The following ANKRD31 variants were observed in gnomAD, a reference collection of about 807,000 sequenced individuals.
ANKRD31 encodes ankyrin repeat domain-containing protein 31.
Under a neutral mutation model 186.0 loss-of-function variants are expected in ANKRD31, and 147 were observed. The observed-to-expected ratio is 0.79, with a 90% confidence interval of 0.69 to 0.91. ANKRD31 has a LOEUF of 0.91. Among genes scored for constraint, ANKRD31 ranks in the 40% least tolerant of loss-of-function variants. The probability of loss-of-function intolerance (pLI) is 0.00; values close to 1 mark genes in which losing one functional copy is unlikely to be tolerated. For missense variants in ANKRD31, 1,986 were observed against 2,148.8 expected, an observed-to-expected ratio of 0.92 and a Z score of 1.50; for synonymous variants, 673 against 736.4, an observed-to-expected ratio of 0.91 and a Z score of 1.39.
intron 5 of ANKRD31, among the ~76,000 whole-genome samples, chr5:75,203,571 G>A (rs1755949876): frequency 6.6e-6 from 1 of 150,852 alleles, no homozygotes; most frequent in Admixed American, 6.6e-5. Context: ...GCTGAGACAG[G>A]AGAATTGGTT....
At chr5:75,208,462 G>A (rs1405093621) in intron 4 of ANKRD31, among the ~76,000 whole-genome samples, 3 of 151,074 alleles carry the variant, frequency 2.0e-5, no homozygotes, top group Admixed American at 6.6e-5. Context: ...TGAAGCACCT[G>A]AAGGGACTCT....
At chr5:75,161,856 C>T (rs746757632) in intron 11 of ANKRD31, among the ~76,000 whole-genome samples, 12 of 152,216 alleles carry the variant, frequency 7.9e-5, no homozygotes, top group South Asian at 2.1e-4. Flanking sequence ...GCAGCTTCCA[C>T]GTGGTGTTGA....
chr5:75,082,330 T>G lies in ANKRD31; in HGVS notation c.5576-1691A>C, dbSNP rs186568565. On this transcript the variant is annotated intron_variant, in intron 24 of 25. Transcript: ENST00000506364. The stretch of plus-strand genomic sequence containing the variant: ...GAGGCCCTGGGTAGGGACTTGGTGA[T>G]AGAAACCCTGTTTAATTCTTGGCCC... Among the ~76,000 whole-genome samples the G allele has an allele frequency of 7.7e-4, 117 of 152,270 alleles. 3 individuals carry two copies. The highest frequency in any genetic ancestry group is 7.3e-3 in the Admixed American group (112 of 15,288).
chr5:75,189,211 A>G (rs1317812252), intron 9 of ANKRD31, among the ~76,000 whole-genome samples: 1 of 152,198 alleles, frequency 6.6e-6, no homozygotes, highest in African/African-American at 2.4e-5. Flanking sequence ...AATTGTTTTT[A>G]TTTACTAAGC....
At chr5:75,123,437 C>A (rs181513265) in intron 17 of ANKRD31, among the ~76,000 whole-genome samples, 7 of 151,922 alleles carry the variant, frequency 4.6e-5, no homozygotes, top group African/African-American at 1.7e-4. Context: ...GAGAAAAAAA[C>A]CATCCTAAAA....
At position 75,146,269 on chromosome 5, in the gene ANKRD31, G is replaced by T; in HGVS notation, c.3142C>A (p.Gln1048Lys). Residue 1048 changes from glutamine to lysine, a missense_variant, in exon 14 of 26, where the codon CAA (glutamine) becomes AAA (lysine). Gln to Lys is a moderately conservative substitution (Grantham distance 53). Coordinates refer to ENST00000506364, the MANE Select transcript of ANKRD31 (RefSeq NM_001372053.1). ...IPRAPTFLMN[Q>K]TDTHIVEKMA... ...TTTTCCACAATATGTGTATCTGTTT[G>T]ATTCATTAAAAAAGTTGGTGCTCTG... is the stretch of plus-strand genomic sequence containing the variant. 6.5e-7 allele frequency: 1 copy of T among 1,536,340 alleles called. No individual in the cohort carries two copies. The highest frequency in any genetic ancestry group is 1.2e-5 in the South Asian group (1 of 84,022).
In ANKRD31 at chr5:75,153,802, T is replaced by C. The variant is rs1199256127; in HGVS notation, c.1852+399A>G. On this transcript the variant is annotated intron_variant, in intron 12 of 25. Transcript: ENST00000506364. ...TTTGTTGTTCAATTTAATAGAGCAGTGGATGAGAGGGAAAAAGTATAGCCA... is the reference window on the plus strand; with the variant it reads ...TTTGTTGTTCAATTTAATAGAGCAGCGGATGAGAGGGAAAAAGTATAGCCA... Among the ~76,000 whole-genome samples, 3 of 152,052 alleles carry C rather than the reference T, an allele frequency of 2.0e-5. No homozygotes were observed. In the East Asian group the frequency reaches 5.8e-4, roughly 29 times the overall value.
rs759509117 is a variant in ANKRD31 at position 75,107,539 on chromosome 5, T to C, written c.4322A>G (p.Asp1441Gly). Reference protein sequence around the residue: ...VLAKQKAERDDLAKKYRVSIE... With the variant: ...VLAKQKAERDGLAKKYRVSIE... ...TACTCACCTGTATTTTTTAGCCAGA[T>C]CATCCCTTTCTGCTTTCTGCTTGGC... The change falls in exon 21 of 26, where the codon GAT (aspartate) becomes GGT (glycine). Residue 1441 changes from aspartate to glycine, a missense_variant. Transcript: ENST00000506364. The C allele has an allele frequency of 5.9e-6, 9 of 1,530,342 alleles. No individual in the cohort carries two copies. The highest frequency in any genetic ancestry group is 7.9e-6 in the Non-Finnish European group (9 of 1,143,126). The allele number at this position is 1,530,342 out of a possible 1,614,324, so 94.8% of individuals were successfully genotyped here. A position where few individuals can be genotyped will look rare whatever the true frequency, so the allele number is the denominator to read the frequency against.
rs969174722 is a variant in ANKRD31, at chr5:75,144,159, G to A, written c.3437C>T (p.Thr1146Ile). The change falls in exon 15 of 26, where the codon ACT (threonine) becomes ATT (isoleucine). Residue 1146 changes from threonine (T) to isoleucine (I), a missense_variant. Physicochemically the swap from Thr to Ile is moderately conservative, Grantham distance 89. Coordinates refer to ENST00000506364, the MANE Select transcript of ANKRD31 (RefSeq NM_001372053.1). ...TATTTCATCTCCACTGATGTTATTA[G>A]TTAATTCCTCATCTGAAACAAACAT... The part of the protein sequence containing the change: ...EISHKPDEEL[T>I]NNISGDEITI... The A allele has an allele frequency of 5.0e-6, 2 of 396,924 alleles. No homozygotes were observed. Among genetic ancestry groups the A allele is most frequent in the Non-Finnish European group, 8.9e-6 (2 of 225,086 alleles). The allele number at this position is 396,924 out of a possible 1,614,324, so 24.6% of individuals were successfully genotyped here. A position where few individuals can be genotyped will look rare whatever the true frequency, so the allele number is the denominator to read the frequency against.
chr5:75,221,242 G>A (rs1006659064), intron 3 of ANKRD31, among the ~76,000 whole-genome samples: 2 of 151,928 alleles, frequency 1.3e-5, no homozygotes, highest in African/African-American at 2.4e-5. Context: ...TTAGTACCCA[G>A]GTGATAATAA....
chr5:75,106,339 T>C (rs568347023), intron 21 of ANKRD31, among the ~76,000 whole-genome samples: 1 of 152,206 alleles, frequency 6.6e-6, no homozygotes, highest in Admixed American at 6.5e-5. Context: ...GGAAAAGCAA[T>C]AATATAGATA....
At chr5:75,183,954 C>A (rs73131062) in intron 10 of ANKRD31, among the ~76,000 whole-genome samples, 8,273 of 152,036 alleles carry the variant, frequency 0.054, 522 homozygotes, top group African/African-American at 0.15. Flanking sequence ...ACAGCCAAAG[C>A]AACCTTGAGC....
At position 75,104,290 on chromosome 5, in the gene ANKRD31, T is replaced by C. The variant is rs1747145635; in HGVS notation, c.5269A>G (p.Lys1757Glu). The change falls in exon 22 of 26, where the codon AAA (lysine) becomes GAA (glutamate). Residue 1757 changes from lysine (K) to glutamate (E), a missense_variant. By Grantham distance (56) the Lys-to-Glu change is moderately conservative. Transcript: ENST00000506364. ...ATTCTTCCTAGTAATATCAAATCTTTTATCTGAATACATTTCTTTTTAGGA... is the reference window on the plus strand; with the variant it reads ...ATTCTTCCTAGTAATATCAAATCTTCTATCTGAATACATTTCTTTTTAGGA... ...TAPKKKCIQI[K>E]DLILLGRINP... 3.3e-6 allele frequency: 5 copies of C among 1,534,842 alleles called. No homozygotes were observed. Among genetic ancestry groups the C allele is most frequent in the Admixed American group, 3.9e-5 (2 of 50,746 alleles).
Position 75,146,831 on chromosome 5 carries a change from G to A in ANKRD31, c.2580C>T (p.Leu860=). 6.5e-7 allele frequency: 1 copy of A among 1,536,290 alleles called. No homozygotes were observed. Among genetic ancestry groups the A allele is most frequent in the South Asian group, 1.2e-5 (1 of 84,030 alleles). ...VVTTDKQPHT[L]QEQHHVLYKS... ...TATAAAGTACATGGTGTTGTTCCTGGAGAGTGTGAGGCTGCTTATCTGTAG... is the reference window on the plus strand; with the variant it reads ...TATAAAGTACATGGTGTTGTTCCTGAAGAGTGTGAGGCTGCTTATCTGTAG... Residue 860 remains leucine, a synonymous_variant, in exon 14 of 26, where the codon CTC becomes CTT. Coordinates refer to ENST00000506364, the MANE Select transcript of ANKRD31 (RefSeq NM_001372053.1).
chr5:75,179,360 G>A (rs1378518677), intron 10 of ANKRD31, among the ~76,000 whole-genome samples: 1 of 152,174 alleles, frequency 6.6e-6, no homozygotes, highest in Non-Finnish European at 1.5e-5. Context: ...TAGAAAAAGA[G>A]GGAATCCTCC....
chr5:75,162,932 T>C (rs190576255), intron 11 of ANKRD31, among the ~76,000 whole-genome samples: 4 of 152,344 alleles, frequency 2.6e-5, no homozygotes, highest in Admixed American at 1.3e-4. Context: ...TATAGATTTA[T>C]GCTTAACTTT....
intron 10 of ANKRD31, among the ~76,000 whole-genome samples, chr5:75,178,788 A>G (rs891145321): frequency 3.3e-5 from 5 of 152,224 alleles, no homozygotes; most frequent in African/African-American, 1.2e-4. Context: ...AGCAGGAAAC[A>G]TCTAAAATTG....
chr5:75,085,567 A>T (rs965250505), intron 23 of ANKRD31, among the ~76,000 whole-genome samples: 8 of 151,870 alleles, frequency 5.3e-5, no homozygotes, highest in Middle Eastern at 3.4e-3. Context: ...ACGCCTGGCT[A>T]ATTTTTGTAT....
At chr5:75,165,151 C>T (rs754147746) in intron 11 of ANKRD31, among the ~76,000 whole-genome samples, 2 of 151,960 alleles carry the variant, frequency 1.3e-5, no homozygotes, top group Non-Finnish European at 2.9e-5. Flanking sequence ...TGGTATGGAC[C>T]ATGTGATCAT....
Sources: allele counts gnomAD v4.1 joint callset (sites outside exome capture counted in the v4.1 genomes callset), GRCh38; gene constraint gnomAD v4.1.1; transcripts MANE v1.5; gene names NCBI Gene and HGNC (gene_info 2026-07-23, HGNC 2026-07-21).